Variants in WDR26 observed in about 807,000 individuals in gnomAD.
The protein encoded by WDR26 is WD repeat domain 26, also known as WD repeat-containing protein 26.
WDR26 carries 5 observed loss-of-function variants against 84.1 expected under a neutral mutation model. The observed-to-expected ratio is 0.06, with a 90% CI of 0.03 to 0.13. The LOEUF (loss-of-function observed/expected upper bound fraction) is 0.13, where lower values mean the gene tolerates loss of function less well. Among genes scored for constraint, WDR26 ranks in the 10% least tolerant of loss-of-function variants. The pLI is 1.00. For missense variants in WDR26, 642 were observed against 974.9 expected (o/e 0.66, Z 4.55); for synonymous variants, 415 against 389.6 (o/e 1.07, Z -0.77).
At chr1:224,431,897 GA>G (rs1228819630) in intron 1 of WDR26, 116 bp from the exon 2 acceptor site, 4 of 723,166 alleles carry the variant, frequency 5.5e-6, no homozygotes, top group Non-Finnish European at 8.0e-6. Context: ...TCATGATGAA[GA>G]AAAAAATAGC....
intron 3 of WDR26, chr1:224,430,766 G>GA (rs925131528): frequency 1.3e-5 from 2 of 152,244 alleles, no homozygotes; most frequent in African/African-American, 4.8e-5. Flanking sequence ...CCAGCATTTA[G>GA]AAAAAACTTA....
At chr1:224,407,027 CAGG>C (rs1197131338) in intron 7 of WDR26, among the ~76,000 whole-genome samples, 3 of 143,790 alleles carry the variant, frequency 2.1e-5, no homozygotes, top group Non-Finnish European at 4.5e-5. Context: ...GAGGCTGAGG[CAGG>C]AGAATTGCTT....
Position 224,414,302 on chromosome 1 carries a change from T to C in WDR26, c.1320-2737A>G, listed in dbSNP as rs550877361. 4.4e-4 allele frequency among the ~76,000 whole-genome samples: 66 copies of C among 149,780 alleles called. 1 individual carries two copies. Among genetic ancestry groups the C allele is most frequent in the Non-Finnish European group, 7.3e-4 (49 of 67,406 alleles). ...TGTATTTTTAGTAGAGGCAGGGTCT[T>C]GCCATGTTGCCCAGGCTGGTCTCAA... On this transcript the variant is annotated intron_variant, in intron 6 of 13. Coordinates refer to ENST00000414423, the MANE Select transcript of WDR26 (RefSeq NM_001379403.1).
Position 224,388,829 on chromosome 1 carries a change from T to G in WDR26, c.*1006A>C, listed in dbSNP as rs1368745786. On this transcript the variant is annotated 3_prime_UTR_variant, in exon 14 of 14. Transcript: ENST00000414423. ...AATTACTTCCTAAGTTGAGAACAAC[T>G]TGGAACAAGCTTTACTGAAAACCAA... The G allele has an allele frequency of 6.6e-6, 1 of 152,634 alleles. No homozygotes were observed. The highest frequency in any genetic ancestry group is 1.5e-5 in the Non-Finnish European group (1 of 68,036). 9.5% of individuals were successfully genotyped at this position (152,634 alleles called of 1,614,324 possible). A position where few individuals can be genotyped will look rare whatever the true frequency, so the allele number is the denominator to read the frequency against.
chr1:224,397,984 G>A, intron 12 of WDR26, 113 bp downstream of exon 12: 2 of 1,304,612 alleles, frequency 1.5e-6, no homozygotes, highest in Non-Finnish European at 2.1e-6. Flanking sequence ...TTGGATAAAT[G>A]AAAGAATTTT....
intron 13 of WDR26, among the ~76,000 whole-genome samples, chr1:224,391,017 T>C (rs781532430): frequency 6.6e-6 from 1 of 152,058 alleles, no homozygotes; most frequent in Admixed American, 6.6e-5. Flanking sequence ...ACTTAGCATA[T>C]TGTTTTCAAG....
Position 224,433,859 on chromosome 1 carries a change from C to T in WDR26, c.547G>A (p.Gly183Arg). ...GTGGCTGAGGATGCGGCGGCCGCCC[C>T]GCCGGGAACCCCGTTATTGACATTC... Residue 183 changes from glycine to arginine, a missense_variant, in exon 1 of 14, where the codon GGG becomes AGG. By Grantham distance (125) the Gly-to-Arg change is moderately radical. This residue lies in a region of WDR26 where 291 missense variants were observed against 302.1 expected (regional missense o/e 0.96). Coordinates refer to ENST00000414423, the MANE Select transcript of WDR26 (RefSeq NM_001379403.1). The T allele has an allele frequency of 6.5e-7, 1 of 1,536,936 alleles. No individual in the cohort carries two copies. The highest frequency in any genetic ancestry group is 8.7e-7 in the Non-Finnish European group (1 of 1,146,786).
intron 7 of WDR26, among the ~76,000 whole-genome samples, chr1:224,408,417 TA>T (rs1476537569): frequency 1.1e-3 from 161 of 152,334 alleles, no homozygotes; most frequent in Non-Finnish European, 3.8e-4. Flanking sequence ...AACAGGTGTT[TA>T]ATAAATACTG....
At position 224,387,149 on chromosome 1, in the gene WDR26, G is replaced by C. The variant is rs1411093461; in HGVS notation, c.*2686C>G. ...TTTGATCTATGTGCAAAAAGTATTG[G>C]TACTTTTCAATTTATACATTTGTTA... On this transcript the variant is annotated 3_prime_UTR_variant, in exon 14 of 14. Transcript: ENST00000414423. The C allele has an allele frequency of 6.6e-6, 1 of 152,522 alleles. No individual in the cohort carries two copies. Among genetic ancestry groups the C allele is most frequent in the African/African-American group, 2.4e-5 (1 of 41,394 alleles). The allele number at this position is 152,522 out of a possible 1,614,324, so 9.4% of individuals were successfully genotyped here. A position where few individuals can be genotyped will look rare whatever the true frequency, so the allele number is the denominator to read the frequency against.
intron 13 of WDR26, among the ~76,000 whole-genome samples, chr1:224,391,848 C>T (rs1673134634): frequency 2.0e-5 from 3 of 152,142 alleles, no homozygotes; most frequent in South Asian, 4.1e-4. Flanking sequence ...TATAGCCAAA[C>T]ATCTGGTTAT....
intron 4 of WDR26, among the ~76,000 whole-genome samples, chr1:224,420,668 T>C (rs1674033786): frequency 6.6e-6 from 1 of 152,222 alleles, no homozygotes; most frequent in Non-Finnish European, 1.5e-5. Context: ...TTCCTCTTGA[T>C]TTTTAGTACA....
At position 224,434,186 on chromosome 1, in the gene WDR26, G is replaced by A; in HGVS notation, c.220C>T (p.Leu74Phe). The A allele has an allele frequency of 7.0e-7, 1 of 1,419,880 alleles. No homozygotes were observed. The highest frequency in any genetic ancestry group is 9.2e-7 in the Non-Finnish European group (1 of 1,092,536). 88.0% of individuals were successfully genotyped at this position (1,419,880 alleles called of 1,614,324 possible). Reference sequence around the variant, plus strand: ...GCGGGAGGGGCAGCAGCCGGGGGAAGTCCCACCACTACCACCACGGAGGAG... The same window carrying A: ...GCGGGAGGGGCAGCAGCCGGGGGAAATCCCACCACTACCACCACGGAGGAG... Residue 74 changes from leucine (L) to phenylalanine (F), a missense_variant, in exon 1 of 14, where the codon CTT (leucine) becomes TTT (phenylalanine). By Grantham distance (22) the Leu-to-Phe change is conservative (BLOSUM62 0). This residue lies in a region of WDR26 where 291 missense variants were observed against 302.1 expected (regional missense o/e 0.96). Coordinates refer to ENST00000414423, the MANE Select transcript of WDR26 (RefSeq NM_001379403.1).
intron 4 of WDR26, among the ~76,000 whole-genome samples, chr1:224,423,185 A>C (rs1228049345): frequency 6.6e-6 from 1 of 152,248 alleles, no homozygotes; most frequent in Non-Finnish European, 1.5e-5. Context: ...ATATAAAATC[A>C]TGACATCTTT....
chr1:224,419,053 T>A (rs1673983977), intron 5 of WDR26, among the ~76,000 whole-genome samples: 1 of 152,184 alleles, frequency 6.6e-6, no homozygotes, highest in Non-Finnish European at 1.5e-5. Context: ...ATCATATAAT[T>A]TTCAGAGAGA....
At chr1:224,410,024 T>C (rs989864643) in intron 7 of WDR26, among the ~76,000 whole-genome samples, 2 of 152,056 alleles carry the variant, frequency 1.3e-5, no homozygotes, top group Non-Finnish European at 2.9e-5. Flanking sequence ...CTCACGCCTG[T>C]AATCCCAGCA....
intron 6 of WDR26, among the ~76,000 whole-genome samples, chr1:224,415,281 TTC>T (rs1673860602): frequency 6.6e-6 from 1 of 151,998 alleles, no homozygotes; most frequent in Non-Finnish European, 1.5e-5. Flanking sequence ...GGAAAGGAAG[TTC>T]TGTTTCGGAC....
chr1:224,409,566 A>G (rs1673675656), intron 7 of WDR26, among the ~76,000 whole-genome samples: 2 of 152,168 alleles, frequency 1.3e-5, no homozygotes, highest in African/African-American at 4.8e-5. Flanking sequence ...CTTCTCTTCT[A>G]AAAAGAACTG....
Position 224,385,812 on chromosome 1 carries a change from T to C in WDR26, c.*4023A>G, listed in dbSNP as rs1452663915. ...ATAATGAAAATGTTTAAGTTAAAGA[T>C]GGGGACACAATTTCAATCTTATAAA... On this transcript the variant is annotated 3_prime_UTR_variant, in exon 14 of 14. Coordinates refer to ENST00000414423, the MANE Select transcript of WDR26 (RefSeq NM_001379403.1). 1 of 152,588 alleles carries C rather than the reference T, an allele frequency of 6.6e-6. No homozygotes were observed. The highest frequency in any genetic ancestry group is 1.5e-5 in the Non-Finnish European group (1 of 68,014). 9.5% of individuals were successfully genotyped at this position (152,588 alleles called of 1,614,324 possible). A position where few individuals can be genotyped will look rare whatever the true frequency, so the allele number is the denominator to read the frequency against.
chr1:224,409,537 G>T (rs563456361), intron 7 of WDR26, among the ~76,000 whole-genome samples: 27 of 152,244 alleles, frequency 1.8e-4, no homozygotes, highest in African/African-American at 5.1e-4. Flanking sequence ...GCAAGAATTG[G>T]TGTATGCTCT....
Sources: gnomAD v4.1 joint callset for allele counts (sites outside exome capture counted in the v4.1 genomes callset) on GRCh38, gnomAD v4.1.1 for gene constraint, gnomAD v4.1.1 regional missense constraint, MANE v1.5 for transcripts, NCBI Gene and HGNC (gene_info 2026-07-23, HGNC 2026-07-21) for gene names.